The following NEDD4L variants were observed in gnomAD, a reference collection of about 807,000 sequenced individuals.
NEDD4L encodes NEDD4 like E3 ubiquitin protein ligase, also known as E3 ubiquitin-protein ligase NEDD4-like.
A neutral mutation model predicts 148.9 loss-of-function variants in NEDD4L; 54 were observed. The ratio of observed to expected loss-of-function variants is 0.36; its 90% CI spans 0.29 to 0.45. NEDD4L has a LOEUF of 0.45. Ranked by LOEUF, NEDD4L falls within the 20% of genes least tolerant of loss-of-function variation. The pLI is 1.00. For synonymous variants in NEDD4L, 433 were observed against 440.7 expected, an observed-to-expected ratio of 0.98 and a Z score of 0.22; for missense variants, 856 against 1,233.8, an observed-to-expected ratio of 0.69 and a Z score of 4.59.
intron 1 of NEDD4L, among the ~76,000 whole-genome samples, chr18:58,060,456 T>C (rs947930856): frequency 3.3e-5 from 5 of 151,924 alleles, no homozygotes; most frequent in African/African-American, 1.2e-4. Context: ...TTGGGGAGAT[T>C]GGATTTGAGT....
At chr18:58,164,721 G>C (rs1158051703) in intron 1 of NEDD4L, among the ~76,000 whole-genome samples, 1 of 152,080 alleles carries the variant, frequency 6.6e-6, no homozygotes, top group East Asian at 1.9e-4. Context: ...CGCCTGCCTC[G>C]GCCTCCCAAA....
intron 18 of NEDD4L, among the ~76,000 whole-genome samples, chr18:58,351,354 A>T (rs2043858311): frequency 6.6e-6 from 1 of 152,154 alleles, no homozygotes; most frequent in Non-Finnish European, 1.5e-5. Context: ...TAATAAATAC[A>T]CTCTGGTAAT....
intron 5 of NEDD4L, among the ~76,000 whole-genome samples, chr18:58,308,775 G>A (rs2057344730): frequency 6.6e-6 from 1 of 152,204 alleles, no homozygotes; most frequent in African/African-American, 2.4e-5. Context: ...CTTTTGCTTT[G>A]TGTCTGCGTC....
chr18:58,181,188 CTTTA>C (rs1437537048), intron 2 of NEDD4L, among the ~76,000 whole-genome samples: 1 of 152,150 alleles, frequency 6.6e-6, no homozygotes, highest in Non-Finnish European at 1.5e-5. Flanking sequence ...TTTATTTCCC[CTTTA>C]TTTCTTTCTT....
chr18:58,061,262 A>C (rs2082318730), intron 1 of NEDD4L, among the ~76,000 whole-genome samples: 1 of 152,216 alleles, frequency 6.6e-6, no homozygotes. Flanking sequence ...TCCGTGAGCC[A>C]GTCATGTTAG....
intron 1 of NEDD4L, among the ~76,000 whole-genome samples, chr18:58,123,163 C>A (rs1412407896): frequency 6.6e-6 from 1 of 152,132 alleles, no homozygotes; most frequent in Non-Finnish European, 1.5e-5. Context: ...GGAAGCCTGG[C>A]TGGCCCTTGA....
At chr18:58,222,588 A>G (rs1400706831) in intron 2 of NEDD4L, among the ~76,000 whole-genome samples, 1 of 152,138 alleles carries the variant, frequency 6.6e-6, no homozygotes, top group Admixed American at 6.5e-5. Flanking sequence ...TGATTCATAA[A>G]CTGTTAGTTA....
intron 2 of NEDD4L, among the ~76,000 whole-genome samples, chr18:58,205,978 T>A (rs916465825): frequency 7.2e-5 from 11 of 152,196 alleles, no homozygotes; most frequent in African/African-American, 2.4e-4. Flanking sequence ...GAGATCCAGT[T>A]CAGATACCAC....
intron 24 of NEDD4L, among the ~76,000 whole-genome samples, chr18:58,378,296 G>A (rs2047841996): frequency 6.6e-6 from 1 of 152,190 alleles, no homozygotes; most frequent in African/African-American, 2.4e-5. Flanking sequence ...ATGGAGAGAG[G>A]TGGGCCACTG....
intron 1 of NEDD4L, among the ~76,000 whole-genome samples, chr18:58,056,120 A>G (rs973991488): frequency 1.3e-5 from 2 of 152,192 alleles, no homozygotes; most frequent in African/African-American, 4.8e-5. Flanking sequence ...AGGAGTTGAC[A>G]AACACCATGT....
chr18:58,327,776 A>G (rs2059434638), intron 9 of NEDD4L, among the ~76,000 whole-genome samples: 1 of 152,180 alleles, frequency 6.6e-6, no homozygotes, highest in Non-Finnish European at 1.5e-5. Context: ...CTTTTGAGAT[A>G]CTGACTTGTG....
intron 26 of NEDD4L, 134 bp from the exon 27 acceptor site, chr18:58,387,305 T>TA (rs1228336727): frequency 2.0e-6 from 2 of 996,564 alleles, no homozygotes; most frequent in Non-Finnish European, 2.8e-6. Flanking sequence ...AGTTACTTGA[T>TA]ACTGTCACTG....
At chr18:58,264,121 A>G (rs2049871247) in intron 5 of NEDD4L, among the ~76,000 whole-genome samples, 1 of 152,104 alleles carries the variant, frequency 6.6e-6, no homozygotes, top group Non-Finnish European at 1.5e-5. Flanking sequence ...ATTTAAGTTG[A>G]ATTAACCTCT....
intron 1 of NEDD4L, among the ~76,000 whole-genome samples, chr18:58,107,209 C>A (rs1172188453): frequency 1.3e-5 from 2 of 152,108 alleles, no homozygotes; most frequent in Non-Finnish European, 2.9e-5. Flanking sequence ...CTTTAAAAAC[C>A]CTGACTCCTT....
chr18:58,311,753 G>C (rs1015836461), intron 5 of NEDD4L, among the ~76,000 whole-genome samples: 1 of 152,218 alleles, frequency 6.6e-6, no homozygotes, highest in South Asian at 2.1e-4. Flanking sequence ...TGTTCTTTGA[G>C]AAATTGAGTC....
intron 2 of NEDD4L, among the ~76,000 whole-genome samples, chr18:58,211,941 AC>A (rs1389256536): frequency 5.3e-5 from 8 of 152,254 alleles, no homozygotes; most frequent in Middle Eastern, 3.4e-3. Flanking sequence ...AACAGCACAG[AC>A]CTCTATCTAA....
chr18:58,141,982 G>A (rs1301361777), intron 1 of NEDD4L, among the ~76,000 whole-genome samples: 1 of 151,226 alleles, frequency 6.6e-6, no homozygotes, highest in Non-Finnish European at 1.5e-5. Flanking sequence ...AAAGGAGCAG[G>A]CACTGTGGGT....
intron 2 of NEDD4L, among the ~76,000 whole-genome samples, chr18:58,180,687 T>C (rs1226516887): frequency 6.6e-6 from 1 of 152,262 alleles, no homozygotes; most frequent in Non-Finnish European, 1.5e-5. Flanking sequence ...TAGGACATTC[T>C]TTAAAACATG....
intron 1 of NEDD4L, among the ~76,000 whole-genome samples, chr18:58,150,762 C>G (rs1209106063): frequency 6.6e-6 from 1 of 152,122 alleles, no homozygotes; most frequent in Non-Finnish European, 1.5e-5. Flanking sequence ...GTGGTCAGTC[C>G]CAGCATGGCC....
Sources: allele counts gnomAD v4.1 joint callset (sites outside exome capture counted in the v4.1 genomes callset), GRCh38; gene constraint gnomAD v4.1.1; transcripts MANE v1.5; gene names NCBI Gene and HGNC (gene_info 2026-07-23, HGNC 2026-07-21).